Variants in PIEZO1 observed in about 807,000 individuals in gnomAD.
The protein encoded by PIEZO1 is piezo type mechanosensitive ion channel component 1 (Er blood group), also known as piezo-type mechanosensitive ion channel component 1.
In PIEZO1, 296 loss-of-function variants were observed where a neutral mutation model predicts 297.2. That is an observed-to-expected ratio of 1.00 (90% CI 0.91 to 1.10). The LOEUF (loss-of-function observed/expected upper bound fraction) is 1.10, where lower values mean the gene tolerates loss of function less well. Ranked by LOEUF, PIEZO1 falls within the 50% of genes least tolerant of loss-of-function variation. PIEZO1 has a pLI of 0.00. For synonymous variants in PIEZO1, 2,427 were observed against 1,507.5 expected (o/e 1.61, Z -14.13); for missense variants, 5,018 against 3,455.5 (o/e 1.45, Z -11.34).
rs189631135 is a variant in PIEZO1 at position 88,768,347 on chromosome 16, C to G, written c.64+16554G>C. On this transcript the variant is annotated intron_variant, in intron 1 of 50. Coordinates refer to ENST00000301015, the MANE Select transcript of PIEZO1 (RefSeq NM_001142864.4). The stretch of plus-strand genomic sequence containing the variant: ...AAGCTCCCCGGGCCAGGAGGAGAAG[C>G]TGATTAAGTGGCCACTTAAGAGCAG... Among the ~76,000 whole-genome samples, 716 of 152,322 alleles carry G rather than the reference C, an allele frequency of 4.7e-3. 3 individuals are homozygous for G. The highest frequency in any genetic ancestry group is 8.9e-3 in the Admixed American group (136 of 15,310).
intron 1 of PIEZO1, among the ~76,000 whole-genome samples, chr16:88,760,816 C>T (rs536209310): frequency 7.9e-5 from 12 of 152,256 alleles, no homozygotes; most frequent in Non-Finnish European, 1.3e-4. Flanking sequence ...ACTTGGAGCC[C>T]GGCCAGCAGC....
rs1420398617 is a variant in PIEZO1, at chr16:88,732,416, G to T, written c.2910C>A (p.Gly970=). Residue 970 remains glycine (G), a synonymous_variant, in exon 21 of 51, where the codon GGC becomes GGA. Transcript: ENST00000301015. ...PLPAQAVFAS[G]TRQQLDQDLL... The stretch of plus-strand genomic sequence containing the variant: ...GATCCTGGTCCAGCTGCTGGCGGGT[G>T]CCGCTGGCAAACACGGCCTGGGCAG... The T allele has an allele frequency of 1.0e-5, 16 of 1,549,772 alleles. No individual in the cohort carries two copies. The highest frequency in any genetic ancestry group is 1.4e-5 in the Non-Finnish European group (16 of 1,146,554).
In PIEZO1 at chr16:88,732,747, G is replaced by A. The variant is rs1437109149; in HGVS notation, c.2665-15C>T. ...TTGGGGAAGGGCTGGCAAGAGGCCA[G>A]GCATCAGTGCCCCCTCCCAGGCCAC... On this transcript the variant is annotated splice_polypyrimidine_tract_variant and intron_variant, in intron 19 of 50. Transcript: ENST00000301015. The A allele has an allele frequency of 2.6e-6, 4 of 1,535,096 alleles. No homozygotes were observed. Among genetic ancestry groups the A allele is most frequent in the South Asian group, 1.2e-5 (1 of 82,326 alleles).
intron 44 of PIEZO1, chr16:88,717,626 C>T (rs754506147): frequency 2.8e-5 from 13 of 459,150 alleles, no homozygotes; most frequent in Non-Finnish European, 4.4e-5. Flanking sequence ...CTGGATTTGG[C>T]GAAGGAAACA....
chr16:88,738,226 C>T lies in PIEZO1; in HGVS notation c.848+1G>A. On this transcript the variant is annotated splice_donor_variant, in intron 7 of 50. Transcript: ENST00000301015. LOFTEE classifies it high-confidence loss of function. ...AAAGGGGCTGTGTGGCAAGCCGTTA[C>T]CTAGCCCAGATGCCGGCAGGCGGGA... 1 of 1,535,596 alleles carries T rather than the reference C, an allele frequency of 6.5e-7. No individual in the cohort carries two copies. The highest frequency in any genetic ancestry group is 1.7e-4 in the Middle Eastern group (1 of 5,984).
chr16:88,745,430 G>C (rs1260958695), intron 2 of PIEZO1: 1 of 152,272 alleles, frequency 6.6e-6, no homozygotes, highest in Non-Finnish European at 1.5e-5. Flanking sequence ...CATGGCAGGG[G>C]AGGGGCTCAG....
chr16:88,757,436 G>A (rs1253825962), intron 1 of PIEZO1, among the ~76,000 whole-genome samples: 1 of 151,868 alleles, frequency 6.6e-6, no homozygotes, highest in Admixed American at 6.6e-5. Flanking sequence ...GGGCGGGTGG[G>A]AACAGGTCTC....
In PIEZO1 at chr16:88,759,398, G is replaced by C. The variant is rs551540604; in HGVS notation, c.65-9919C>G. On this transcript the variant is annotated intron_variant, in intron 1 of 50. Coordinates refer to ENST00000301015, the MANE Select transcript of PIEZO1 (RefSeq NM_001142864.4). ...GCTGCCAGGCCAGGGCAGCTACAGG[G>C]AGCCGGGGTCCTGGTCCAAGCCCCA... is the stretch of plus-strand genomic sequence containing the variant. 2.7e-4 allele frequency among the ~76,000 whole-genome samples: 41 copies of C among 152,358 alleles called. No homozygotes were observed. The East Asian group carries it at 7.7e-3, about 29-fold the overall frequency.
Position 88,716,399 on chromosome 16 carries a change from C to T in PIEZO1, c.7011G>A (p.Gln2337=). ...AGGTGCCCTCGAGCAGGCTGGCCAGCTGCCGCCGTGCAGTGCTGTTGGGGG... is the reference window on the plus strand; with the variant it reads ...AGGTGCCCTCGAGCAGGCTGGCCAGTTGCCGCCGTGCAGTGCTGTTGGGGG... ...ALAPNSTARR[Q]LASLLEGTSD... is the part of the protein sequence containing the mutation. Residue 2337 remains glutamine, a synonymous_variant, in exon 48 of 51, where the codon CAG becomes CAA. Coordinates refer to ENST00000301015, the MANE Select transcript of PIEZO1 (RefSeq NM_001142864.4). The T allele has an allele frequency of 1.3e-6, 2 of 1,548,538 alleles. No homozygotes were observed. The highest frequency in any genetic ancestry group is 1.4e-5 in the African/African-American group (1 of 73,146).
Position 88,733,963 on chromosome 16 carries a change from A to T in PIEZO1, c.2272T>A (p.Ser758Thr). 1.9e-6 allele frequency: 3 copies of T among 1,545,548 alleles called. No homozygotes were observed. The highest frequency in any genetic ancestry group is 8.7e-7 in the Non-Finnish European group (1 of 1,145,142). ...QQEEEEEEED[S>T]RDEGLGVATP... ...GCCACGCCCAGCCCCTCGTCCCTGG[A>T]GTCCTCCTCCTCCTCCTCCTCCTCC... The change falls in exon 17 of 51, where the codon TCC becomes ACC. Residue 758 changes from serine (S) to threonine (T), a missense_variant. Physicochemically the swap from Ser to Thr is moderately conservative, Grantham distance 58. Transcript: ENST00000301015.
chr16:88,742,615 C>G lies in PIEZO1; in HGVS notation c.161-193G>C, dbSNP rs11648608. On this transcript the variant is annotated intron_variant, in intron 2 of 50. Transcript: ENST00000301015. The stretch of plus-strand genomic sequence containing the variant: ...CACGCCTCCCGAGGGTCACTCTTGT[C>G]ACAAGGAGCCGGGCATCCTCCTGGG... 0.59 allele frequency among the ~76,000 whole-genome samples: 89,416 copies of G among 152,126 alleles called. 27,395 individuals are homozygous for G. The highest frequency in any genetic ancestry group is 0.7 in the Middle Eastern group (207 of 294).
At chr16:88,775,537 T>C (rs1768882257) in intron 1 of PIEZO1, among the ~76,000 whole-genome samples, 1 of 152,096 alleles carries the variant, frequency 6.6e-6, no homozygotes, top group African/African-American at 2.4e-5. Flanking sequence ...GAGACCAGCC[T>C]GGCCAAAATG....
Position 88,731,886 on chromosome 16 carries a change from C to A in PIEZO1, c.3016G>T (p.Val1006Leu). The A allele has an allele frequency of 1.7e-6, 1 of 594,904 alleles. No homozygotes were observed. Among genetic ancestry groups the A allele is most frequent in the Non-Finnish European group, 2.0e-6 (1 of 488,460 alleles). The allele number at this position is 594,904 out of a possible 1,614,324, so 36.9% of individuals were successfully genotyped here. A position where few individuals can be genotyped will look rare whatever the true frequency, so the allele number is the denominator to read the frequency against. The part of the protein sequence containing the change: ...LEICFLMAVN[V>L]IGQRMNFLVT... ...AGAAAGTTCATGCGCTGCCCGATCACGTTCACGGCCATCAGGAAGCAGATC... is the reference window on the plus strand; with the variant it reads ...AGAAAGTTCATGCGCTGCCCGATCAAGTTCACGGCCATCAGGAAGCAGATC... Residue 1006 changes from valine (V) to leucine (L), a missense_variant, in exon 22 of 51, where the codon GTG becomes TTG. Val to Leu is a conservative substitution (Grantham distance 32, BLOSUM62 1). Coordinates refer to ENST00000301015, the MANE Select transcript of PIEZO1 (RefSeq NM_001142864.4).
intron 12 of PIEZO1, among the ~76,000 whole-genome samples, chr16:88,735,914 G>A (rs1905180689): frequency 6.6e-6 from 1 of 152,192 alleles, no homozygotes; most frequent in South Asian, 2.1e-4. Context: ...CGCTCACACA[G>A]TGTCAGGGCA....
At chr16:88,780,779 G>A (rs1001092548) in intron 1 of PIEZO1, among the ~76,000 whole-genome samples, 1 of 152,176 alleles carries the variant, frequency 6.6e-6, no homozygotes, top group African/African-American at 2.4e-5. Context: ...TGGCCAAAGT[G>A]GTGAAACCCC....
chr16:88,730,622 G>C (rs995005216), intron 22 of PIEZO1, among the ~76,000 whole-genome samples: 7 of 146,672 alleles, frequency 4.8e-5, no homozygotes, highest in African/African-American at 1.5e-4. Context: ...AAAAAAAAAG[G>C]GTTCTTGCTA....
At chr16:88,783,795 T>C (rs530588818) in intron 1 of PIEZO1, among the ~76,000 whole-genome samples, 1 of 152,334 alleles carries the variant, frequency 6.6e-6, no homozygotes, top group East Asian at 1.9e-4. Context: ...CACCTTTCTG[T>C]GCGACCGATC....
rs780165835 is a variant in PIEZO1 at position 88,732,508 on chromosome 16, CCAG to C, written c.2815_2817del (p.Leu939del). ...CGCCGGTACACGATGGCCTCGAATACCAGCAGCAGCAGCACTTGCAGGTGGTTC... is the reference window on the plus strand; with the variant it reads ...CGCCGGTACACGATGGCCTCGAATACCAGCAGCAGCACTTGCAGGTGGTTC... On this transcript the variant is annotated inframe_deletion, in exon 21 of 51. Coordinates refer to ENST00000301015, the MANE Select transcript of PIEZO1 (RefSeq NM_001142864.4). The C allele has an allele frequency of 4.5e-6, 7 of 1,547,506 alleles. No homozygotes were observed. The highest frequency in any genetic ancestry group is 1.2e-5 in the South Asian group (1 of 83,976).
Position 88,715,988 on chromosome 16 carries a change from C to T in PIEZO1, c.7261G>A (p.Val2421Ile), listed in dbSNP as rs995900612. ...GGGCTGACCTTGTCACTGAAAATGA[C>T]CATGGGCAGCAGGTTGCAGTCGGTC... ...CRTDCNLLPMVIFSDKVSPPS... is the reference protein window; with the variant it reads ...CRTDCNLLPMIIFSDKVSPPS... The change falls in exon 50 of 51, where the codon GTC (valine) becomes ATC (isoleucine). Residue 2421 changes from valine to isoleucine, a missense_variant. By Grantham distance (29) the Val-to-Ile change is conservative. Transcript: ENST00000301015. 16 of 1,550,062 alleles carry T rather than the reference C, an allele frequency of 1.0e-5. No homozygotes were observed. The highest frequency in any genetic ancestry group is 2.7e-5 in the African/African-American group (2 of 73,038).
Sources: allele counts gnomAD v4.1 joint callset (sites outside exome capture counted in the v4.1 genomes callset), GRCh38; gene constraint gnomAD v4.1.1; transcripts MANE v1.5; gene names NCBI Gene and HGNC (gene_info 2026-07-23, HGNC 2026-07-21).